PDS5B: variants seen among roughly 807,000 people sequenced by gnomAD.
PDS5B encodes PDS5 cohesin associated factor B.
A neutral mutation model predicts 184.1 loss-of-function variants in PDS5B; 51 were observed. The observed-to-expected ratio is 0.28, with a 90% CI of 0.22 to 0.35. The LOEUF (loss-of-function observed/expected upper bound fraction) is 0.35. Among genes scored for constraint, PDS5B ranks in the 10% least tolerant of loss-of-function variants. The pLI, the probability that PDS5B is intolerant of heterozygous loss-of-function variation, is 1.00. For synonymous variants in PDS5B, 566 were observed against 569.2 expected, an observed-to-expected ratio of 0.99 and a Z score of 0.08; for missense variants, 1,180 against 1,723.3, an observed-to-expected ratio of 0.68 and a Z score of 5.58.
intron 1 of PDS5B, among the ~76,000 whole-genome samples, chr13:32,629,996 A>G (rs1047264492): frequency 3.3e-5 from 5 of 152,234 alleles, no homozygotes; most frequent in South Asian, 4.1e-4. Context: ...AAGATACCCA[A>G]TTGCATTCAA....
intron 23 of PDS5B, among the ~76,000 whole-genome samples, chr13:32,744,321 A>G (rs1341848480): frequency 6.6e-6 from 1 of 152,178 alleles, no homozygotes; most frequent in Non-Finnish European, 1.5e-5. Context: ...CCCATATGAC[A>G]TTCAGGAATA....
chr13:32,752,297 A>G (rs1358624543), intron 24 of PDS5B, among the ~76,000 whole-genome samples: 2 of 152,146 alleles, frequency 1.3e-5, no homozygotes, highest in Non-Finnish European at 2.9e-5. Flanking sequence ...ACTTTATCAT[A>G]GGTATCTATA....
At position 32,658,345 on chromosome 13, in the gene PDS5B, T is replaced by C. The variant is rs769659404; in HGVS notation, c.399+20T>C. ...CTTGAGGTAAGCAATATCTTGTATC[T>C]TGAGATGACATTTTAAACTGATTTT... On this transcript the variant is annotated intron_variant, in intron 4 of 34. Transcript: ENST00000315596. The C allele has an allele frequency of 7.0e-7, 1 of 1,426,522 alleles. No homozygotes were observed. Among genetic ancestry groups the C allele is most frequent in the Non-Finnish European group, 9.8e-7 (1 of 1,019,596 alleles). The allele number at this position is 1,426,522 out of a possible 1,614,324, so 88.4% of individuals were successfully genotyped here.
chr13:32,751,030 C>G (rs1181849140), intron 24 of PDS5B, among the ~76,000 whole-genome samples: 1 of 152,100 alleles, frequency 6.6e-6, no homozygotes, highest in Non-Finnish European at 1.5e-5. Context: ...CTTCACCCTC[C>G]TACCCTCCAC....
At chr13:32,597,177 A>T (rs2057889475) in intron 1 of PDS5B, among the ~76,000 whole-genome samples, 3 of 150,298 alleles carry the variant, frequency 2.0e-5, no homozygotes, top group Admixed American at 2.0e-4. Context: ...GGGTCTACAG[A>T]TACGTGCCAC....
intron 19 of PDS5B, among the ~76,000 whole-genome samples, chr13:32,715,086 CTGTT>C (rs1952332947): frequency 6.6e-6 from 1 of 152,230 alleles, no homozygotes; most frequent in African/African-American, 2.4e-5. Flanking sequence ...GCTGGTCCCT[CTGTT>C]TGGGGTCCCT....
At chr13:32,655,306 A>G (rs1950474375) in intron 3 of PDS5B, among the ~76,000 whole-genome samples, 1 of 141,520 alleles carries the variant, frequency 7.1e-6, no homozygotes, top group Admixed American at 7.4e-5. Context: ...TTTCATATGC[A>G]TGTTGGCCAT....
chr13:32,691,710 A>G (rs1951555093), intron 13 of PDS5B, among the ~76,000 whole-genome samples: 1 of 152,154 alleles, frequency 6.6e-6, no homozygotes, highest in South Asian at 2.1e-4. Flanking sequence ...ACCAAGGTTC[A>G]TAATCACTAG....
At chr13:32,765,275 CT>C (rs200848286) in intron 31 of PDS5B, among the ~76,000 whole-genome samples, 2,551 of 152,260 alleles carry the variant, frequency 0.017, 20 homozygotes, top group Non-Finnish European at 0.026. Flanking sequence ...AATCAATTTT[CT>C]TATCTGTATG....
intron 30 of PDS5B, among the ~76,000 whole-genome samples, chr13:32,761,978 G>C (rs1401043439): frequency 6.6e-6 from 1 of 152,034 alleles, no homozygotes; most frequent in Non-Finnish European, 1.5e-5. Flanking sequence ...GTTGTTTTTT[G>C]ACTTTTTAGT....
At chr13:32,640,612 T>C (rs1035096272) in intron 1 of PDS5B, among the ~76,000 whole-genome samples, 2 of 152,196 alleles carry the variant, frequency 1.3e-5, no homozygotes, top group African/African-American at 4.8e-5. Context: ...TATAATAATA[T>C]GCATATGATA....
rs112309957 is a variant in PDS5B, at chr13:32,770,103, A to AT, written c.3625-8dup. On this transcript the variant is annotated splice_polypyrimidine_tract_variant and intron_variant, in intron 31 of 34. Transcript: ENST00000315596. ...CACAATTTCATAACCATAAATTGTG[A>AT]TTTTTTTTTTCCCCTAGTCTGAATT... The AT allele has an allele frequency of 6.1e-4, 922 of 1,517,632 alleles. No homozygotes were observed. The highest frequency in any genetic ancestry group is 1.4e-3 in the East Asian group (61 of 42,734). The allele number at this position is 1,517,632 out of a possible 1,614,324, so 94.0% of individuals were successfully genotyped here. A position where few individuals can be genotyped will look rare whatever the true frequency, so the allele number is the denominator to read the frequency against.
chr13:32,689,311 T>A (rs1566330760), intron 13 of PDS5B: 1 of 152,224 alleles, frequency 6.6e-6, no homozygotes, highest in East Asian at 1.9e-4. Context: ...TTAATGAGAC[T>A]TTTAACTTCA....
intron 29 of PDS5B, among the ~76,000 whole-genome samples, 198 bp downstream of exon 29, chr13:32,759,888 T>C (rs925142376): frequency 2.6e-5 from 4 of 152,192 alleles, no homozygotes; most frequent in Non-Finnish European, 5.9e-5. Flanking sequence ...CAAATTACTT[T>C]TTAGCTTGTA....
chr13:32,605,443 G>A (rs999815099), intron 1 of PDS5B, among the ~76,000 whole-genome samples: 3 of 152,168 alleles, frequency 2.0e-5, no homozygotes, highest in African/African-American at 4.8e-5. Flanking sequence ...GAGACAGTTT[G>A]TTATAATTTC....
chr13:32,702,240 C>G (rs935507354), intron 17 of PDS5B, among the ~76,000 whole-genome samples: 1 of 151,928 alleles, frequency 6.6e-6, no homozygotes, highest in African/African-American at 2.4e-5. Context: ...GGTCATTGAC[C>G]CCTTGCAAAT....
chr13:32,626,629 T>C (rs1052388209), intron 1 of PDS5B, among the ~76,000 whole-genome samples: 3 of 152,164 alleles, frequency 2.0e-5, no homozygotes, highest in Non-Finnish European at 2.9e-5. Context: ...TTATTTTCTT[T>C]GCCTTGTCTG....
chr13:32,678,861 G>T lies in PDS5B; in HGVS notation c.989G>T (p.Arg330Leu). ...TTTAATGATATCCATGTACCAATCC[G>T]CCTGGAATGTGTGAAATTTGCTAGC... ...GRFNDIHVPI[R>L]LECVKFASHC... Residue 330 changes from arginine (R) to leucine (L), a missense_variant, in exon 10 of 35, where the codon CGC becomes CTC. Around this residue, in one of 11 missense-constraint regions of PDS5B, gnomAD observed 475 missense variants for 691.5 expected, o/e 0.69. Transcript: ENST00000315596. The T allele has an allele frequency of 6.2e-7, 1 of 1,606,154 alleles. No individual in the cohort carries two copies. Among genetic ancestry groups the T allele is most frequent in the Non-Finnish European group, 8.5e-7 (1 of 1,173,050 alleles).
chr13:32,681,912 A>G (rs1439095121), intron 10 of PDS5B, among the ~76,000 whole-genome samples: 2 of 152,248 alleles, frequency 1.3e-5, no homozygotes, highest in African/African-American at 4.8e-5. Flanking sequence ...TAAAAAATTA[A>G]TTGCCCTATT....
Sources: allele counts gnomAD v4.1 joint callset (sites outside exome capture counted in the v4.1 genomes callset), GRCh38; gene constraint gnomAD v4.1.1; regional missense constraint gnomAD v4.1.1; transcripts MANE v1.5; gene names NCBI Gene and HGNC (gene_info 2026-07-23, HGNC 2026-07-21).